The following DOCK5 variants were observed in gnomAD, a reference collection of about 807,000 sequenced individuals.
The protein encoded by DOCK5 is dedicator of cytokinesis 5, also known as dedicator of cytokinesis protein 5.
Under a neutral mutation model 251.8 loss-of-function variants are expected in DOCK5, and 142 were observed. The observed-to-expected ratio is 0.56, with a 90% CI of 0.49 to 0.65. The LOEUF is 0.65. Ranked by LOEUF, DOCK5 falls within the 30% of genes least tolerant of loss-of-function variation. The pLI is 0.00. For missense variants in DOCK5, 2,111 were observed against 2,312.3 expected (o/e 0.91, Z 1.79); for synonymous variants, 842 against 835.5 (o/e 1.01, Z -0.13).
chr8:25,284,663 A>G (rs755748478), intron 5 of DOCK5, among the ~76,000 whole-genome samples: 1 of 152,246 alleles, frequency 6.6e-6, no homozygotes, highest in Non-Finnish European at 1.5e-5. Flanking sequence ...GAATCAGGGC[A>G]GATCCCCGTG....
intron 26 of DOCK5, among the ~76,000 whole-genome samples, chr8:25,347,169 A>G (rs1047191188): frequency 1.3e-5 from 2 of 152,170 alleles, no homozygotes; most frequent in Non-Finnish European, 2.9e-5. Flanking sequence ...TTCACTTGTC[A>G]GGGTCCACCA....
At chr8:25,362,846 G>A (rs1346439135) in intron 28 of DOCK5, among the ~76,000 whole-genome samples, 2 of 151,882 alleles carry the variant, frequency 1.3e-5, no homozygotes, top group African/African-American at 2.4e-5. Flanking sequence ...TTCCTTATAG[G>A]GTCCTACAAT....
intron 50 of DOCK5, 65 bp downstream of exon 50, chr8:25,409,005 C>A (rs1801572078): frequency 8.8e-6 from 14 of 1,599,968 alleles, no homozygotes; most frequent in Admixed American, 8.4e-5. Flanking sequence ...TGCATCTGGG[C>A]AGTTTGTAAC....
At chr8:25,256,767 G>T (rs1803430137) in intron 2 of DOCK5, among the ~76,000 whole-genome samples, 1 of 151,984 alleles carries the variant, frequency 6.6e-6, no homozygotes, top group Non-Finnish European at 1.5e-5. Context: ...AACCAATTTG[G>T]GTAACTTTTG....
At chr8:25,333,169 A>G (rs1179430696) in intron 20 of DOCK5, among the ~76,000 whole-genome samples, 1 of 152,216 alleles carries the variant, frequency 6.6e-6, no homozygotes, top group African/African-American at 2.4e-5. Flanking sequence ...TTGAAATCAG[A>G]TCAGGGATAA....
chr8:25,394,094 G>A (rs1801305343), intron 44 of DOCK5, among the ~76,000 whole-genome samples: 1 of 152,172 alleles, frequency 6.6e-6, no homozygotes, highest in South Asian at 2.1e-4. Context: ...GGTGGCATGT[G>A]CCTGTCATCC....
At chr8:25,284,999 G>C (rs1285311783) in intron 5 of DOCK5, among the ~76,000 whole-genome samples, 2 of 152,142 alleles carry the variant, frequency 1.3e-5, no homozygotes, top group African/African-American at 2.4e-5. Flanking sequence ...TGGGAGAAAG[G>C]GTTCAGTGAA....
chr8:25,399,631 C>T (rs897110873), intron 45 of DOCK5, among the ~76,000 whole-genome samples: 4 of 152,096 alleles, frequency 2.6e-5, no homozygotes, highest in African/African-American at 9.7e-5. Context: ...TGACGTTTTG[C>T]TTTGTTGATG....
In DOCK5 at chr8:25,414,670, C is replaced by T. The variant is rs1343031213; in HGVS notation, c.*3372C>T. Reference sequence around the variant, plus strand: ...GGTAATTTTCACATAGCTATTTGCCCACATCCGTGCCTCTAAGATAGAGAC... The same window carrying T: ...GGTAATTTTCACATAGCTATTTGCCTACATCCGTGCCTCTAAGATAGAGAC... On this transcript the variant is annotated 3_prime_UTR_variant, in exon 52 of 52. Transcript: ENST00000276440. 1 of 152,134 alleles carries T rather than the reference C, an allele frequency of 6.6e-6. No individual in the cohort carries two copies. The highest frequency in any genetic ancestry group is 1.5e-5 in the Non-Finnish European group (1 of 68,034). The allele number at this position is 152,134 out of a possible 1,614,324, so 9.4% of individuals were successfully genotyped here.
intron 12 of DOCK5, among the ~76,000 whole-genome samples, chr8:25,309,295 T>C (rs1016180271): frequency 9.2e-5 from 14 of 152,162 alleles, no homozygotes; most frequent in African/African-American, 2.4e-4. Flanking sequence ...AGCATCCTCC[T>C]ACCTCAGCCT....
intron 5 of DOCK5, among the ~76,000 whole-genome samples, chr8:25,283,479 A>G (rs1164542360): frequency 6.6e-6 from 1 of 152,144 alleles, no homozygotes; most frequent in Admixed American, 6.5e-5. Context: ...TAGAACTCTG[A>G]GAGTATGGAA....
intron 1 of DOCK5, among the ~76,000 whole-genome samples, chr8:25,219,087 C>T (rs948932009): frequency 5.3e-5 from 8 of 152,102 alleles, no homozygotes; most frequent in African/African-American, 1.2e-4. Context: ...TACTGACTTC[C>T]GCTATCTGTT....
chr8:25,242,106 A>G (rs1203816077), intron 1 of DOCK5, among the ~76,000 whole-genome samples: 1 of 152,152 alleles, frequency 6.6e-6, no homozygotes. Flanking sequence ...TACCTATGTA[A>G]CAAACCTGCA....
intron 5 of DOCK5, 109 bp from the exon 6 acceptor site, chr8:25,291,915 C>T: frequency 1.9e-6 from 2 of 1,032,896 alleles, no homozygotes; most frequent in Non-Finnish European, 2.7e-6. Flanking sequence ...TGTTCCCTCT[C>T]ATCTGTCTGA....
Position 25,363,078 on chromosome 8 carries a change from A to G in DOCK5, c.2981A>G (p.Lys994Arg). The G allele has an allele frequency of 1.2e-6, 2 of 1,614,042 alleles. No individual in the cohort carries two copies. The highest frequency in any genetic ancestry group is 8.5e-7 in the Non-Finnish European group (1 of 1,179,888). ...CTCATGGAAACTTTTATCATGTTCAAGGACCTGATTGGAAAGAATGTCTAT... is the reference window on the plus strand; with the variant it reads ...CTCATGGAAACTTTTATCATGTTCAGGGACCTGATTGGAAAGAATGTCTAT... ...DFLMETFIMFKDLIGKNVYAK... is the reference protein window; with the variant it reads ...DFLMETFIMFRDLIGKNVYAK... Residue 994 changes from lysine (K) to arginine (R), a missense_variant, in exon 29 of 52, where the codon AAG becomes AGG. Lys to Arg is a conservative substitution (Grantham distance 26). This residue lies in a region of DOCK5 where 1,717 missense variants were observed against 1,892.4 expected (regional missense o/e 0.91). Transcript: ENST00000276440.
intron 2 of DOCK5, among the ~76,000 whole-genome samples, chr8:25,262,694 T>C (rs1264240228): frequency 1.3e-5 from 2 of 152,224 alleles, no homozygotes; most frequent in Admixed American, 1.3e-4. Flanking sequence ...GCCAATGTTT[T>C]ATGCCATAAA....
chr8:25,250,384 G>A (rs906270095), intron 2 of DOCK5, among the ~76,000 whole-genome samples: 2 of 152,192 alleles, frequency 1.3e-5, no homozygotes, highest in Non-Finnish European at 2.9e-5. Flanking sequence ...GGACTGAAGC[G>A]AGCGTTCTTG....
rs148351844 is a variant in DOCK5 at position 25,203,902 on chromosome 8, G to T, written c.43+18951G>T. Among the ~76,000 whole-genome samples the T allele has an allele frequency of 1.6e-3, 241 of 152,316 alleles. 1 individual carries two copies. The highest frequency in any genetic ancestry group is 5.4e-3 in the African/African-American group (226 of 41,560). On this transcript the variant is annotated intron_variant, in intron 1 of 51. Transcript: ENST00000276440. Reference sequence around the variant, plus strand: ...ACCTTAGGAAAAGTACAGCATCTCAGTGATCCTGCCTTCCTAAAATTGCTC... The same window carrying T: ...ACCTTAGGAAAAGTACAGCATCTCATTGATCCTGCCTTCCTAAAATTGCTC...
chr8:25,399,827 A>C, intron 45 of DOCK5, 84 bp from the exon 46 acceptor site: 2 of 1,026,210 alleles, frequency 1.9e-6, no homozygotes, highest in Non-Finnish European at 3.0e-6. Context: ...GTTCTTCCGC[A>C]CAGGACACAT....
Sources: gnomAD v4.1 joint callset for allele counts (sites outside exome capture counted in the v4.1 genomes callset) on GRCh38, gnomAD v4.1.1 for gene constraint, gnomAD v4.1.1 regional missense constraint, MANE v1.5 for transcripts, NCBI Gene and HGNC (gene_info 2026-07-23, HGNC 2026-07-21) for gene names.